PPP4R2: variants seen among roughly 807,000 people sequenced by gnomAD.
The protein encoded by PPP4R2 is protein phosphatase 4 regulatory subunit 2.
PPP4R2 carries 13 observed loss-of-function variants against 47.2 expected under a neutral mutation model. The ratio of observed to expected loss-of-function variants is 0.28; its 90% CI spans 0.18 to 0.44. The LOEUF (loss-of-function observed/expected upper bound fraction) is 0.44. Ranked by LOEUF, PPP4R2 falls within the 20% of genes least tolerant of loss-of-function variation. The pLI, the probability that PPP4R2 is intolerant of heterozygous loss-of-function variation, is 1.00. For synonymous variants in PPP4R2, 151 were observed against 163.3 expected, an observed-to-expected ratio of 0.92 and a Z score of 0.57; for missense variants, 421 against 491.2, an observed-to-expected ratio of 0.86 and a Z score of 1.35.
chr3:73,016,415 G>T (rs909460482), intron 2 of PPP4R2, among the ~76,000 whole-genome samples: 1 of 152,070 alleles, frequency 6.6e-6, no homozygotes, highest in African/African-American at 2.4e-5. Context: ...ATCCTATATT[G>T]CTTAGGACAC....
Position 73,047,177 on chromosome 3 carries a change from T to G in PPP4R2, c.117-9T>G, listed in dbSNP as rs2107310306. On this transcript the variant is annotated splice_polypyrimidine_tract_variant and intron_variant, in intron 2 of 8. Transcript: ENST00000356692. The stretch of plus-strand genomic sequence containing the variant: ...TGGTATTATATATTTTTTAATTTTT[T>G]GCTTATAGGATTCAGTGGTCCCAAT... 6.7e-7 allele frequency: 1 copy of G among 1,496,124 alleles called. No individual in the cohort carries two copies. Among genetic ancestry groups the G allele is most frequent in the Non-Finnish European group, 9.0e-7 (1 of 1,112,334 alleles). 92.7% of individuals were successfully genotyped at this position (1,496,124 alleles called of 1,614,324 possible).
chr3:72,997,221 CGGGGAGCCCTGT>C, intron 1 of PPP4R2, 150 bp downstream of exon 1: 1 of 523,038 alleles, frequency 1.9e-6, no homozygotes, highest in Non-Finnish European at 3.1e-6. Flanking sequence ...TCCCCAGGGG[CGGGGAGCCCTGT>C]GGGCAGCTCT....
rs750407541 is a variant in PPP4R2 at position 73,064,153 on chromosome 3, A to G, written c.638+7A>G. 1.0e-5 allele frequency: 16 copies of G among 1,596,568 alleles called. No homozygotes were observed. The highest frequency in any genetic ancestry group is 1.3e-5 in the Non-Finnish European group (15 of 1,174,756). On this transcript the variant is annotated splice_region_variant and intron_variant, in intron 7 of 8. Coordinates refer to ENST00000356692, the MANE Select transcript of PPP4R2 (RefSeq NM_174907.4). The stretch of plus-strand genomic sequence containing the variant: ...ATGAGGAGAAAAATCACAGGTTTGT[A>G]TGTTTTATATTTAAAAACAGTGTTT...
In PPP4R2 at chr3:73,068,572, T is replaced by C. The variant is rs996410752; in HGVS notation, c.*2850T>C. On this transcript the variant is annotated 3_prime_UTR_variant, in exon 9 of 9. Transcript: ENST00000356692. ...AACTACACCTTTCAGACGTGTGTTTTGGAGTAGTGGAATTGCCAGCCAGGC... is the reference window on the plus strand; with the variant it reads ...AACTACACCTTTCAGACGTGTGTTTCGGAGTAGTGGAATTGCCAGCCAGGC... 7.2e-5 allele frequency: 11 copies of C among 152,368 alleles called. No individual in the cohort carries two copies. In the East Asian group the frequency reaches 2.1e-3, roughly 29 times the overall value. The allele number at this position is 152,368 out of a possible 1,614,324, so 9.4% of individuals were successfully genotyped here. A position where few individuals can be genotyped will look rare whatever the true frequency, so the allele number is the denominator to read the frequency against.
intron 2 of PPP4R2, among the ~76,000 whole-genome samples, chr3:73,038,794 C>T (rs1019016344): frequency 2.0e-5 from 3 of 152,076 alleles, no homozygotes; most frequent in African/African-American, 7.2e-5. Flanking sequence ...TTTTAGAATC[C>T]TTATCATGAA....
At chr3:73,032,991 C>G (rs146265108) in intron 2 of PPP4R2, among the ~76,000 whole-genome samples, 1 of 152,266 alleles carries the variant, frequency 6.6e-6, no homozygotes, top group Non-Finnish European at 1.5e-5. Context: ...TGAATCCTAC[C>G]AAGTTATGAT....
intron 7 of PPP4R2, among the ~76,000 whole-genome samples, chr3:73,064,469 C>G (rs1460131807): frequency 6.6e-6 from 1 of 152,056 alleles, no homozygotes; most frequent in Admixed American, 6.6e-5. Flanking sequence ...TGAGTCGTTT[C>G]TCATTGTAGT....
At chr3:73,011,066 C>T (rs1701715903) in intron 2 of PPP4R2, among the ~76,000 whole-genome samples, 2 of 152,138 alleles carry the variant, frequency 1.3e-5, no homozygotes, top group South Asian at 4.1e-4. Flanking sequence ...CATTCTGGCT[C>T]CAAATCCTCT....
chr3:73,032,918 A>G (rs1477686880), intron 2 of PPP4R2, among the ~76,000 whole-genome samples: 1 of 152,168 alleles, frequency 6.6e-6, no homozygotes, highest in African/African-American at 2.4e-5. Flanking sequence ...ATGTTTTAAA[A>G]AAAATCTCTT....
intron 3 of PPP4R2, among the ~76,000 whole-genome samples, chr3:73,051,159 C>T (rs1369418142): frequency 6.6e-6 from 1 of 152,222 alleles, no homozygotes; most frequent in African/African-American, 2.4e-5. Flanking sequence ...AGGTGATCCA[C>T]CCACCTTGGC....
chr3:73,065,723 C>T lies in PPP4R2; in HGVS notation c.*1C>T, dbSNP rs762256558. 20 of 1,583,366 alleles carry T rather than the reference C, an allele frequency of 1.3e-5. 1 individual carries two copies. The highest frequency in any genetic ancestry group is 1.6e-5 in the Non-Finnish European group (18 of 1,160,462). On this transcript the variant is annotated 3_prime_UTR_variant, in exon 9 of 9. Transcript: ENST00000356692. ...CGATGAACCAATGGAACAAGACTAA[C>T]TATTTAGAAACATTTAGATGCAGTA...
At chr3:73,035,543 A>G (rs893986530) in intron 2 of PPP4R2, among the ~76,000 whole-genome samples, 1 of 152,228 alleles carries the variant, frequency 6.6e-6, no homozygotes, top group South Asian at 2.1e-4. Context: ...AAATAGGTCT[A>G]CCATCTGACC....
At chr3:73,049,228 G>T (rs1405308589) in intron 3 of PPP4R2, among the ~76,000 whole-genome samples, 1 of 151,598 alleles carries the variant, frequency 6.6e-6, no homozygotes, top group East Asian at 1.9e-4. Context: ...GCCAGGTGTG[G>T]TGGCTCACGC....
At chr3:73,049,491 T>G (rs903401529) in intron 3 of PPP4R2, among the ~76,000 whole-genome samples, 3 of 148,816 alleles carry the variant, frequency 2.0e-5, no homozygotes, top group African/African-American at 7.5e-5. Context: ...AGAGTGAGAC[T>G]CCATCTCAAA....
chr3:73,065,156 T>C lies in PPP4R2; in HGVS notation c.928+15T>C. 1 of 1,583,592 alleles carries C rather than the reference T, an allele frequency of 6.3e-7. No homozygotes were observed. The highest frequency in any genetic ancestry group is 1.2e-5 in the South Asian group (1 of 85,574). On this transcript the variant is annotated intron_variant, in intron 8 of 8. Coordinates refer to ENST00000356692, the MANE Select transcript of PPP4R2 (RefSeq NM_174907.4). ...GGAAGAAGAAGGTATTTAGAGACCATCTGTAAAAGGGTGGAGTAAGGAGAT... is the reference window on the plus strand; with the variant it reads ...GGAAGAAGAAGGTATTTAGAGACCACCTGTAAAAGGGTGGAGTAAGGAGAT...
Position 73,013,142 on chromosome 3 carries a change from A to G in PPP4R2, c.116+14984A>G, listed in dbSNP as rs138129977. Among the ~76,000 whole-genome samples, 675 of 152,182 alleles carry G rather than the reference A, an allele frequency of 4.4e-3. 3 individuals are homozygous for G. The highest frequency in any genetic ancestry group is 0.015 in the African/African-American group (630 of 41,524). ...ATTGTGTGTGGTCTTTGGTTTTGCTATGTTGCTTTTGGTAGGATATGGCTA... is the reference window on the plus strand; with the variant it reads ...ATTGTGTGTGGTCTTTGGTTTTGCTGTGTTGCTTTTGGTAGGATATGGCTA... On this transcript the variant is annotated intron_variant, in intron 2 of 8. Transcript: ENST00000356692.
intron 2 of PPP4R2, among the ~76,000 whole-genome samples, chr3:73,044,538 G>C (rs1159363079): frequency 2.0e-5 from 3 of 152,122 alleles, no homozygotes; most frequent in Non-Finnish European, 4.4e-5. Flanking sequence ...GTGAGCCGAG[G>C]TTGCACCACC....
intron 2 of PPP4R2, among the ~76,000 whole-genome samples, chr3:73,037,990 A>G (rs934854246): frequency 1.8e-4 from 28 of 152,070 alleles, no homozygotes; most frequent in African/African-American, 6.3e-4. Flanking sequence ...ACTGCTGTTG[A>G]CCTTCATGTT....
chr3:73,048,668 T>C (rs1702541200), intron 3 of PPP4R2, among the ~76,000 whole-genome samples: 1 of 152,262 alleles, frequency 6.6e-6, no homozygotes. Context: ...ATACCAAATA[T>C]AATGAATTGT....
Sources: allele counts gnomAD v4.1 joint callset (sites outside exome capture counted in the v4.1 genomes callset), GRCh38; gene constraint gnomAD v4.1.1; transcripts MANE v1.5; gene names NCBI Gene and HGNC (gene_info 2026-07-23, HGNC 2026-07-21).